Variants in SETX observed in about 807,000 individuals in gnomAD.
The protein encoded by SETX is senataxin, also known as helicase senataxin.
Under a neutral mutation model 227.2 loss-of-function variants are expected in SETX, and 90 were observed. The observed-to-expected ratio is 0.40, with a 90% CI of 0.33 to 0.47. The LOEUF is 0.47. Ranked by LOEUF, SETX falls within the 20% of genes least tolerant of loss-of-function variation. The probability of loss-of-function intolerance (pLI) is 0.91; values close to 1 mark genes in which losing one functional copy is unlikely to be tolerated. For synonymous variants in SETX, 1,210 were observed against 1,113.2 expected (o/e 1.09, Z -1.73); for missense variants, 3,052 against 3,181.5 (o/e 0.96, Z 0.98).
At chr9:132,324,002 TC>T (rs1243833703) in intron 10 of SETX, among the ~76,000 whole-genome samples, 1 of 152,176 alleles carries the variant, frequency 6.6e-6, no homozygotes, top group Non-Finnish European at 1.5e-5. Flanking sequence ...TGCCTGATGT[TC>T]TTTATAATGG....
intron 10 of SETX, among the ~76,000 whole-genome samples, chr9:132,316,950 G>C (rs1266532708): frequency 6.6e-6 from 1 of 152,120 alleles, no homozygotes; most frequent in Non-Finnish European, 1.5e-5. Flanking sequence ...TATAAAATAA[G>C]CCTATCAATC....
chr9:132,294,349 T>C (rs1227815077), intron 15 of SETX, among the ~76,000 whole-genome samples: 1 of 152,154 alleles, frequency 6.6e-6, no homozygotes, highest in Non-Finnish European at 1.5e-5. Context: ...AAGTTTGAAA[T>C]AAAAAATTGA....
intron 12 of SETX, among the ~76,000 whole-genome samples, chr9:132,299,168 T>A (rs780285653): frequency 6.6e-6 from 1 of 152,228 alleles, no homozygotes; most frequent in Non-Finnish European, 1.5e-5. Flanking sequence ...GTAAGGATCA[T>A]GGATAACTCC....
At chr9:132,335,383 T>C in intron 6 of SETX, among the ~76,000 whole-genome samples, 1 of 64,858 alleles carries the variant, frequency 1.5e-5, no homozygotes, top group Non-Finnish European at 2.6e-5. Context: ...AGAGCAAGAC[T>C]CCGTCTCAAA....
intron 10 of SETX, among the ~76,000 whole-genome samples, chr9:132,317,496 C>T (rs1448915492): frequency 6.6e-6 from 1 of 152,162 alleles, no homozygotes; most frequent in East Asian, 1.9e-4. Flanking sequence ...CAATTATATA[C>T]GCTTGGGTAA....
chr9:132,347,992 T>C (rs1004849755), intron 3 of SETX, among the ~76,000 whole-genome samples: 15 of 151,808 alleles, frequency 9.9e-5, no homozygotes, highest in African/African-American at 3.6e-4. Context: ...CTGGAAAATA[T>C]GCTTGCCCTT....
At chr9:132,296,548 G>C (rs1276279162) in intron 14 of SETX, among the ~76,000 whole-genome samples, 1 of 150,674 alleles carries the variant, frequency 6.6e-6, no homozygotes, top group Non-Finnish European at 1.5e-5. Context: ...GGATGACAGC[G>C]AGACACTGTC....
At chr9:132,337,570 G>GCTT (rs1847705611) in intron 5 of SETX, among the ~76,000 whole-genome samples, 2 of 152,070 alleles carry the variant, frequency 1.3e-5, no homozygotes, top group African/African-American at 4.8e-5. Flanking sequence ...TAATCAAAAA[G>GCTT]TTGGAAAAAC....
Position 132,329,057 on chromosome 9 carries a change from A to G in SETX, c.2541T>C (p.Gly847=). The part of the protein sequence containing the change: ...FIHNLSLDPS[G]VLDDKNGEQK... The stretch of plus-strand genomic sequence containing the variant: ...GTTCTCCATTCTTATCATCCAGAAC[A>G]CCACTAGGGTCTAAAGAAAGATTGT... The change falls in exon 10 of 26, where the codon GGT becomes GGC. Residue 847 remains glycine, a synonymous_variant. Coordinates refer to ENST00000224140, the MANE Select transcript of SETX (RefSeq NM_015046.7). The G allele has an allele frequency of 6.2e-7, 1 of 1,609,666 alleles. No individual in the cohort carries two copies. The highest frequency in any genetic ancestry group is 8.5e-7 in the Non-Finnish European group (1 of 1,178,900).
At chr9:132,344,356 G>T (rs1165817788) in intron 4 of SETX, among the ~76,000 whole-genome samples, 3 of 152,140 alleles carry the variant, frequency 2.0e-5, no homozygotes, top group African/African-American at 7.2e-5. Context: ...TAGGAATACA[G>T]GCACATGCCA....
At chr9:132,277,177 C>A in intron 21 of SETX, 25 bp from the exon 22 acceptor site, 2 of 1,570,510 alleles carry the variant, frequency 1.3e-6, no homozygotes, top group Non-Finnish European at 1.7e-6. Context: ...AAGCAGTCAA[C>A]ATTCAGAATA....
At chr9:132,308,818 AG>A (rs1845480669) in intron 11 of SETX, among the ~76,000 whole-genome samples, 1 of 152,206 alleles carries the variant, frequency 6.6e-6, no homozygotes, top group South Asian at 2.1e-4. Context: ...GGAAATGCAA[AG>A]GGCCAAGAAT....
intron 3 of SETX, among the ~76,000 whole-genome samples, chr9:132,348,654 A>T (rs1044176004): frequency 6.6e-6 from 1 of 152,162 alleles, no homozygotes; most frequent in Non-Finnish European, 1.5e-5. Flanking sequence ...TCGGCCAGGC[A>T]TGGTGGCTCA....
rs890494454 is a variant in SETX at position 132,288,439 on chromosome 9, G to A, written c.6209-88C>T. The A allele has an allele frequency of 1.3e-5, 18 of 1,404,332 alleles. No individual in the cohort carries two copies. The African/African-American group carries it at 2.6e-4, about 20-fold the overall frequency. The allele number at this position is 1,404,332 out of a possible 1,614,324, so 87.0% of individuals were successfully genotyped here. A position where few individuals can be genotyped will look rare whatever the true frequency, so the allele number is the denominator to read the frequency against. ...TACAACACAATGAGAAGGAAAATTA[G>A]TTCCCAAAGCCAGACTAATTCTGGA... On this transcript the variant is annotated intron_variant, in intron 16 of 25. Coordinates refer to ENST00000224140, the MANE Select transcript of SETX (RefSeq NM_015046.7).
In SETX at chr9:132,329,269, T is replaced by C. The variant is rs771595581; in HGVS notation, c.2329A>G (p.Lys777Glu). 6.2e-7 allele frequency: 1 copy of C among 1,613,832 alleles called. No homozygotes were observed. Among genetic ancestry groups the C allele is most frequent in the Non-Finnish European group, 8.5e-7 (1 of 1,179,896 alleles). The change falls in exon 10 of 26, where the codon AAA (lysine) becomes GAA (glutamate). Residue 777 changes from lysine to glutamate, a missense_variant. Lys to Glu is a moderately conservative substitution (Grantham distance 56, BLOSUM62 1). Around this residue, in one of 10 missense-constraint regions of SETX, gnomAD observed 1,483 missense variants for 1,312.0 expected, o/e 1.13. Transcript: ENST00000224140. The stretch of plus-strand genomic sequence containing the variant: ...TCTTTCTGTACCTTAGTTTTTCGTT[T>C]TGAGGTTTTAGCAAGAGCATCATCC... ...LKDDALAKTS[K>E]RKTKVQKDEI...
Position 132,327,323 on chromosome 9 carries a change from T to A in SETX, c.4275A>T (p.Lys1425Asn). ...KCMPSEPETI[K>N]AKHGSPATDD... ...CAGTTGCTGGAGACCCATGTTTTGC[T>A]TTTATGGTTTCTGGTTCAGAAGGCA... The change falls in exon 10 of 26, where the codon AAA becomes AAT. Residue 1425 changes from lysine to asparagine, a missense_variant. Transcript: ENST00000224140. The A allele has an allele frequency of 6.2e-7, 1 of 1,614,240 alleles. No homozygotes were observed.
rs1468164538 is a variant in SETX, at chr9:132,261,432, A to G, written c.*2807T>C. On this transcript the variant is annotated 3_prime_UTR_variant, in exon 26 of 26. Coordinates refer to ENST00000224140, the MANE Select transcript of SETX (RefSeq NM_015046.7). ...TTCAGCATAAAGCAAACCAAATGGC[A>G]GACGAAATGATGTTAGTACCTTGTA... 1 of 152,262 alleles carries G rather than the reference A, an allele frequency of 6.6e-6. No individual in the cohort carries two copies. Among genetic ancestry groups the G allele is most frequent in the African/African-American group, 2.4e-5 (1 of 41,464 alleles). 9.4% of individuals were successfully genotyped at this position (152,262 alleles called of 1,614,324 possible).
At position 132,327,424 on chromosome 9, in the gene SETX, C is replaced by T. The variant is rs762077735; in HGVS notation, c.4174G>A (p.Asp1392Asn). ...CCTGTACAATTATAATCTGACCTAT[C>T]AGATTCTGGTACAAATATGTCAGAA... ...QNSDIFVPES[D>N]RSDYNCTGGT... The change falls in exon 10 of 26, where the codon GAT becomes AAT. Residue 1392 changes from aspartate (D) to asparagine (N), a missense_variant. Coordinates refer to ENST00000224140, the MANE Select transcript of SETX (RefSeq NM_015046.7). The T allele has an allele frequency of 6.2e-7, 1 of 1,614,180 alleles. No homozygotes were observed. The highest frequency in any genetic ancestry group is 1.7e-5 in the Admixed American group (1 of 60,024).
In SETX at chr9:132,342,741, C is replaced by T. The variant is rs762386813; in HGVS notation, c.447G>A (p.Val149=). ...RMEQANCSFQ[V]FDKHPGIYLF... ...AATAGATCCCTGGATGTTTATCAAA[C>T]ACCTGAAAGGAGCAATTGGCTTGTT... is the stretch of plus-strand genomic sequence containing the variant. The change falls in exon 5 of 26, where the codon GTG becomes GTA. Residue 149 remains valine (V), a synonymous_variant. Transcript: ENST00000224140. 1 of 1,614,102 alleles carries T rather than the reference C, an allele frequency of 6.2e-7. No individual in the cohort carries two copies. Among genetic ancestry groups the T allele is most frequent in the South Asian group, 1.1e-5 (1 of 91,080 alleles).
Sources: gnomAD v4.1 joint callset for allele counts (sites outside exome capture counted in the v4.1 genomes callset) on GRCh38, gnomAD v4.1.1 for gene constraint, gnomAD v4.1.1 regional missense constraint, MANE v1.5 for transcripts, NCBI Gene and HGNC (gene_info 2026-07-23, HGNC 2026-07-21) for gene names.